Variants in PTPRD observed in about 807,000 individuals in gnomAD.
The protein encoded by PTPRD is receptor-type tyrosine-protein phosphatase delta.
In PTPRD, 34 loss-of-function variants were observed where a neutral mutation model predicts 214.5. The observed-to-expected ratio is 0.16, with a 90% CI of 0.12 to 0.21. The LOEUF is 0.21. Among genes scored for constraint, PTPRD ranks in the 10% least tolerant of loss-of-function variants. The pLI is 1.00. For missense variants in PTPRD, 2,545 were observed against 2,398.7 expected, an observed-to-expected ratio of 1.06 and a Z score of -1.27; for synonymous variants, 1,128 against 845.7, an observed-to-expected ratio of 1.33 and a Z score of -5.79.
At chr9:9,600,509 T>C (rs2154336915) in intron 7 of PTPRD, among the ~76,000 whole-genome samples, 1 of 152,130 alleles carries the variant, frequency 6.6e-6, no homozygotes, top group Admixed American at 6.6e-5. Flanking sequence ...AAGACAGCCA[T>C]TTATTTTGGT....
chr9:10,311,500 A>G (rs2154417966), intron 3 of PTPRD, among the ~76,000 whole-genome samples: 1 of 152,152 alleles, frequency 6.6e-6, no homozygotes, highest in African/African-American at 2.4e-5. Context: ...CAAAATCAAG[A>G]TAAATATAAT....
chr9:9,210,558 T>G (rs936371547), intron 9 of PTPRD, among the ~76,000 whole-genome samples: 1 of 152,190 alleles, frequency 6.6e-6, no homozygotes, highest in African/African-American at 2.4e-5. Flanking sequence ...TTGCTTCTTT[T>G]GAATCATATT....
intron 18 of PTPRD, among the ~76,000 whole-genome samples, chr9:8,524,514 T>C (rs1416137104): frequency 6.6e-6 from 1 of 152,152 alleles, no homozygotes; most frequent in Non-Finnish European, 1.5e-5. Context: ...AACACCTTTA[T>C]GCTTGGAATT....
At chr9:8,825,132 T>C (rs1308095997) in intron 11 of PTPRD, among the ~76,000 whole-genome samples, 1 of 152,186 alleles carries the variant, frequency 6.6e-6, no homozygotes, top group African/African-American at 2.4e-5. Flanking sequence ...TTCTTTCTTT[T>C]TGAGGTCCCA....
intron 10 of PTPRD, among the ~76,000 whole-genome samples, chr9:9,140,237 T>A (rs990854696): frequency 1.3e-5 from 2 of 152,078 alleles, no homozygotes; most frequent in African/African-American, 4.8e-5. Flanking sequence ...AAAGCCCTGT[T>A]TGGCTGTTTT....
At chr9:10,514,183 T>G (rs191626650) in intron 2 of PTPRD, among the ~76,000 whole-genome samples, 1 of 152,188 alleles carries the variant, frequency 6.6e-6, no homozygotes, top group African/African-American at 2.4e-5. Context: ...AATCAATAAA[T>G]ACAAATTTAT....
chr9:9,991,716 A>T (rs7044383), intron 4 of PTPRD, among the ~76,000 whole-genome samples: 104,736 of 151,900 alleles, frequency 0.69, 36,564 homozygotes, highest in Middle Eastern at 0.78. Context: ...GAAAGAAAAG[A>T]TAGGGATGAT....
intron 3 of PTPRD, among the ~76,000 whole-genome samples, chr9:10,084,043 T>C (rs1046990307): frequency 2.6e-5 from 4 of 151,898 alleles, no homozygotes; most frequent in African/African-American, 9.7e-5. Context: ...TCCTAAAATC[T>C]CCTAAGCCTC....
chr9:8,744,673 A>G (rs1466265203), intron 11 of PTPRD, among the ~76,000 whole-genome samples: 3 of 152,248 alleles, frequency 2.0e-5, no homozygotes, highest in African/African-American at 7.2e-5. Context: ...GGTGAGGGAT[A>G]AAAGATTACA....
intron 18 of PTPRD, among the ~76,000 whole-genome samples, chr9:8,523,821 G>A (rs1473564591): frequency 3.9e-5 from 6 of 152,094 alleles, no homozygotes; most frequent in African/African-American, 9.7e-5. Context: ...AGGGACTTTC[G>A]AAGAATTTAG....
In PTPRD at chr9:8,518,391, T is replaced by A. The variant is rs1196017740; in HGVS notation, c.1000A>T (p.Ser334Cys). The A allele has an allele frequency of 6.2e-7, 1 of 1,613,514 alleles. No individual in the cohort carries two copies. The highest frequency in any genetic ancestry group is 1.1e-5 in the South Asian group (1 of 91,034). Residue 334 changes from serine (S) to cysteine (C), a missense_variant, in exon 21 of 46, where the codon AGC becomes TGC. By Grantham distance (112) the Ser-to-Cys change is moderately radical. Transcript: ENST00000381196. Reference protein sequence around the residue: ...KPPGTPVVTESTATSITLTWD... With the variant: ...KPPGTPVVTECTATSITLTWD... ...GTCAGTGTGATGCTTGTAGCTGTGC[T>A]CTCGGTCACTACAGGAGTTCCTGGA...
intron 8 of PTPRD, among the ~76,000 whole-genome samples, chr9:9,501,432 T>C (rs2096409919): frequency 6.6e-6 from 1 of 151,908 alleles, no homozygotes; most frequent in African/African-American, 2.4e-5. Flanking sequence ...ATAACAATCA[T>C]ATATGTGTAT....
intron 7 of PTPRD, among the ~76,000 whole-genome samples, chr9:9,682,877 G>A (rs2097100785): frequency 6.6e-6 from 1 of 151,672 alleles, no homozygotes. Context: ...CATATTTACA[G>A]GGAAAAAGAG....
chr9:8,454,811 AGTGTGTGTGTGTGTGTGTGTGTGTGT>A (rs3043784), intron 33 of PTPRD, among the ~76,000 whole-genome samples: 1 of 148,644 alleles, frequency 6.7e-6, no homozygotes, highest in Non-Finnish European at 1.5e-5. Context: ...CTGAATACAT[AGTGTGTGTGTGTGTGTGTGTGTGTGT>A]GTGTGTGTGT....
chr9:9,151,226 T>G (rs1287159262), intron 10 of PTPRD, among the ~76,000 whole-genome samples: 1 of 152,106 alleles, frequency 6.6e-6, no homozygotes, highest in African/African-American at 2.4e-5. Flanking sequence ...GAGTCTGAGG[T>G]TTTTGTTTGG....
At chr9:9,622,646 G>A (rs887742825) in intron 7 of PTPRD, among the ~76,000 whole-genome samples, 2 of 151,888 alleles carry the variant, frequency 1.3e-5, no homozygotes, top group African/African-American at 2.4e-5. Flanking sequence ...TGGGATCACC[G>A]AAAAAAAGTT....
At chr9:9,349,202 C>G (rs1276493037) in intron 9 of PTPRD, among the ~76,000 whole-genome samples, 2 of 152,058 alleles carry the variant, frequency 1.3e-5, no homozygotes, top group Admixed American at 1.3e-4. Flanking sequence ...CTTAATAAAT[C>G]TCTTGCTAGG....
chr9:9,357,393 G>C (rs891427399), intron 9 of PTPRD, among the ~76,000 whole-genome samples: 1 of 151,280 alleles, frequency 6.6e-6, no homozygotes, highest in Non-Finnish European at 1.5e-5. Context: ...CTAAAGGTTT[G>C]TGGACTTCTC....
chr9:10,568,386 T>C (rs1338495045), intron 2 of PTPRD, among the ~76,000 whole-genome samples: 4 of 152,076 alleles, frequency 2.6e-5, no homozygotes, highest in Admixed American at 6.6e-5. Context: ...TTTGGGTTGG[T>C]TCCAAGTCTT....
Sources: allele counts gnomAD v4.1 joint callset (sites outside exome capture counted in the v4.1 genomes callset), GRCh38; gene constraint gnomAD v4.1.1; transcripts MANE v1.5; gene names NCBI Gene and HGNC (gene_info 2026-07-23, HGNC 2026-07-21).